Variants in ACOT9 observed in about 807,000 individuals in gnomAD.
ACOT9 encodes acyl-CoA thioesterase 9, also known as acyl-coenzyme A thioesterase 9, mitochondrial.
Under a neutral mutation model 39.7 loss-of-function variants are expected in ACOT9, and 34 were observed. The ratio of observed to expected loss-of-function variants is 0.86; its 90% confidence interval spans 0.65 to 1.14. The LOEUF (loss-of-function observed/expected upper bound fraction) is 1.14, where lower values mean the gene tolerates loss of function less well. Ranked by LOEUF, ACOT9 falls within the 50% of genes most tolerant of loss-of-function variation. The pLI is 0.00. For missense variants in ACOT9, 313 were observed against 344.1 expected (o/e 0.91, Z 0.71); for synonymous variants, 110 against 120.5 (o/e 0.91, Z 0.57).
intron 4 of ACOT9, among the ~76,000 whole-genome samples, chrX:23,731,246 C>T (rs1386828284): frequency 3.6e-5 from 4 of 111,746 alleles, no homozygotes; most frequent in Admixed American, 9.6e-5. Flanking sequence ...GAGGCCAAGG[C>T]GGGTGGATCA....
chrX:23,730,741 G>A, intron 5 of ACOT9, 75 bp downstream of exon 5: 1 of 1,039,514 alleles, frequency 9.6e-7, no homozygotes, highest in Non-Finnish European at 1.3e-6. Flanking sequence ...GAATTGTATG[G>A]TGTGTGAATT....
chrX:23,719,087 T>C (rs1350247655), intron 8 of ACOT9, among the ~76,000 whole-genome samples: 1 of 108,446 alleles, frequency 9.2e-6, no homozygotes, highest in Non-Finnish European at 1.9e-5. Flanking sequence ...CTGGGCAACA[T>C]GGTAAAACCC....
chrX:23,705,427 C>A, intron 13 of ACOT9, 82 bp downstream of exon 13: 1 of 773,878 alleles, frequency 1.3e-6, no homozygotes. Context: ...CACACACACC[C>A]AGACTGGTCC....
Position 23,729,421 on chromosome X carries a change from C to T in ACOT9, c.400+1106G>A, listed in dbSNP as rs770760329. 1.9e-3 allele frequency among the ~76,000 whole-genome samples: 208 copies of T among 111,992 alleles called. 1 individual carries two copies. Among genetic ancestry groups the T allele is most frequent in the Admixed American group, 4.2e-3 (44 of 10,510 alleles). On this transcript the variant is annotated intron_variant, in intron 6 of 15. Transcript: ENST00000379303. ...TCAACATATGATTCAGAACTGGATC[C>T]TTCTGCTATGAAGGACCACTGGCAA...
At chrX:23,715,777 C>T (rs942845558) in intron 8 of ACOT9, among the ~76,000 whole-genome samples, 2 of 112,062 alleles carry the variant, frequency 1.8e-5, no homozygotes, top group Non-Finnish European at 3.8e-5. Context: ...TAGTATTTAG[C>T]ACAAAGACCA....
At chrX:23,741,212 T>C (rs1025153490) in intron 1 of ACOT9, among the ~76,000 whole-genome samples, 1 of 110,472 alleles carries the variant, frequency 9.1e-6, no homozygotes, top group East Asian at 2.8e-4. Context: ...TCGTACACTA[T>C]TGGTGAAAAT....
intron 1 of ACOT9, among the ~76,000 whole-genome samples, chrX:23,740,199 C>G (rs1262717069): frequency 9.3e-6 from 1 of 108,003 alleles, no homozygotes; most frequent in Non-Finnish European, 1.9e-5. Context: ...CTCCACCTCC[C>G]GAGTTCAAGC....
At chrX:23,711,849 A>G (rs1928905973) in intron 9 of ACOT9, among the ~76,000 whole-genome samples, 1 of 111,431 alleles carries the variant, frequency 9.0e-6, no homozygotes, top group South Asian at 3.8e-4. Flanking sequence ...GATATACAAC[A>G]TCATCTATGT....
intron 5 of ACOT9, 81 bp from the exon 6 acceptor site, chrX:23,730,645 T>C (rs1929703104): frequency 1.9e-6 from 2 of 1,033,286 alleles, no homozygotes; most frequent in Non-Finnish European, 2.7e-6. Context: ...TTCAGGGTGA[T>C]GAAAATGTTC....
chrX:23,715,417 C>T (rs997155611), intron 8 of ACOT9, among the ~76,000 whole-genome samples: 1 of 111,599 alleles, frequency 9.0e-6, no homozygotes, highest in Non-Finnish European at 1.9e-5. Context: ...TTGCCTCCTT[C>T]ATTCAGCCCC....
At chrX:23,726,035 C>T (rs189044951) in intron 6 of ACOT9, among the ~76,000 whole-genome samples, 1,383 of 109,133 alleles carry the variant, frequency 0.013, 23 homozygotes, top group African/African-American at 0.043. Flanking sequence ...CCCGTCTCTA[C>T]TAAAGATACA....
At chrX:23,729,464 A>G (rs1316065338) in intron 6 of ACOT9, among the ~76,000 whole-genome samples, 1 of 112,016 alleles carries the variant, frequency 8.9e-6, no homozygotes, top group East Asian at 2.8e-4. Context: ...ATGGGACCTG[A>G]GGATTAGACA....
intron 8 of ACOT9, 91 bp downstream of exon 8, chrX:23,721,790 T>C: frequency 4.3e-6 from 3 of 702,714 alleles, no homozygotes; most frequent in Non-Finnish European, 6.4e-6. Context: ...GCAACATACC[T>C]GTCTACAGAT....
At chrX:23,737,351 C>A (rs1429195819) in intron 1 of ACOT9, among the ~76,000 whole-genome samples, 1 of 110,953 alleles carries the variant, frequency 9.0e-6, no homozygotes, top group Non-Finnish European at 1.9e-5. Flanking sequence ...ACAAAAAAAA[C>A]CCAGAACCCC....
intron 6 of ACOT9, among the ~76,000 whole-genome samples, chrX:23,727,515 G>C (rs1337181680): frequency 9.2e-6 from 1 of 108,785 alleles, no homozygotes; most frequent in East Asian, 3.0e-4. Context: ...TGTAGAGATG[G>C]GGACTCACTA....
intron 1 of ACOT9, among the ~76,000 whole-genome samples, chrX:23,739,836 C>T (rs903454866): frequency 3.6e-5 from 4 of 110,097 alleles, no homozygotes; most frequent in Admixed American, 9.8e-5. Flanking sequence ...GGCACTATCA[C>T]GGACCACTGC....
intron 1 of ACOT9, among the ~76,000 whole-genome samples, chrX:23,741,438 C>T (rs1308924136): frequency 9.1e-6 from 1 of 110,381 alleles, no homozygotes. Context: ...GGGTCCCAAG[C>T]TTACAGCAGT....
At position 23,730,873 on chromosome X, in the gene ACOT9, G is replaced by C. The variant is rs1929713830; in HGVS notation, c.305C>G (p.Pro102Arg). The C allele has an allele frequency of 8.3e-7, 1 of 1,210,984 alleles. No individual in the cohort carries two copies. The change falls in exon 5 of 16, where the codon CCT becomes CGT. Residue 102 changes from proline (P) to arginine (R), a missense_variant. Transcript: ENST00000379303. Reference sequence around the variant, plus strand: ...TCGTAATTCAGGCTCACTGCCCAAAGGCAAGAGAACTTCAATATAACTGTC... The same window carrying C: ...TCGTAATTCAGGCTCACTGCCCAAACGCAAGAGAACTTCAATATAACTGTC... Reference protein sequence around the residue: ...MKDSYIEVLLPLGSEPELREK... With the variant: ...MKDSYIEVLLRLGSEPELREK...
intron 4 of ACOT9, among the ~76,000 whole-genome samples, chrX:23,731,951 T>C (rs984534416): frequency 1.4e-4 from 16 of 112,230 alleles, no homozygotes; most frequent in African/African-American, 4.2e-4. Flanking sequence ...TTTCTAAGCT[T>C]AACTTATAAA....
Sources: gnomAD v4.1 joint callset for allele counts (sites outside exome capture counted in the v4.1 genomes callset) on GRCh38, gnomAD v4.1.1 for gene constraint, MANE v1.5 for transcripts, NCBI Gene and HGNC (gene_info 2026-07-23, HGNC 2026-07-21) for gene names.